Variants in SMCHD1 observed in about 807,000 individuals in gnomAD.
SMCHD1 encodes the protein structural maintenance of chromosomes flexible hinge domain containing 1.
SMCHD1 carries 78 observed loss-of-function variants against 254.7 expected under a neutral mutation model. The ratio of observed to expected loss-of-function variants is 0.31; its 90% CI spans 0.26 to 0.37. SMCHD1 has a LOEUF of 0.37. Ranked by LOEUF, SMCHD1 falls within the 10% of genes least tolerant of loss-of-function variation. The pLI, the probability that SMCHD1 is intolerant of heterozygous loss-of-function variation, is 1.00. For missense variants in SMCHD1, 1,840 were observed against 2,408.1 expected (o/e 0.76, Z 4.94); for synonymous variants, 766 against 794.9 (o/e 0.96, Z 0.61).
chr18:2,660,632 C>T (rs145532195), intron 1 of SMCHD1, among the ~76,000 whole-genome samples: 183 of 152,002 alleles, frequency 1.2e-3, no homozygotes, highest in African/African-American at 4.2e-3. Flanking sequence ...AGCCGTCATG[C>T]CCGGCTAATT....
intron 36 of SMCHD1, among the ~76,000 whole-genome samples, chr18:2,762,845 G>T (rs1258132682): frequency 6.6e-6 from 1 of 152,166 alleles, no homozygotes; most frequent in Non-Finnish European, 1.5e-5. Flanking sequence ...TCACGAATGA[G>T]TGTGAACTAT....
rs780907109 is a variant in SMCHD1, at chr18:2,718,112, C to T, written c.2261-46C>T. On this transcript the variant is annotated intron_variant, in intron 17 of 47. Coordinates refer to ENST00000320876, the MANE Select transcript of SMCHD1 (RefSeq NM_015295.3). This position sits in a 1 kb window ranked among gnomAD's most constrained non-coding sequence, Gnocchi z 4.6. ...GTGACATTGCGTATTTCATGTTTTA[C>T]GTTGAATTTCTCAAGACACTATTGT... 4.7e-5 allele frequency: 68 copies of T among 1,441,206 alleles called. No individual in the cohort carries two copies. The Middle Eastern group carries it at 8.1e-4, about 17-fold the overall frequency. 89.3% of individuals were successfully genotyped at this position (1,441,206 alleles called of 1,614,324 possible). A position where few individuals can be genotyped will look rare whatever the true frequency, so the allele number is the denominator to read the frequency against.
chr18:2,802,569 G>A lies in SMCHD1; in HGVS notation c.*17G>A. The A allele has an allele frequency of 1.3e-6, 2 of 1,550,204 alleles. No homozygotes were observed. The highest frequency in any genetic ancestry group is 8.7e-7 in the Non-Finnish European group (1 of 1,146,200). On this transcript the variant is annotated 3_prime_UTR_variant, in exon 48 of 48. Transcript: ENST00000320876. ...GATGTATGAGAGGTGACAGAGAGAA[G>A]AGGCCATTGGTCTCAGTAAGAATGC...
chr18:2,716,087 C>T (rs555003061), intron 17 of SMCHD1, among the ~76,000 whole-genome samples: 2 of 152,158 alleles, frequency 1.3e-5, no homozygotes, highest in South Asian at 4.1e-4. Context: ...GATGATGTGT[C>T]TATGATGTAT....
intron 22 of SMCHD1, chr18:2,726,766 G>T: frequency 4.5e-6 from 1 of 222,468 alleles, no homozygotes; most frequent in Non-Finnish European, 8.7e-6. Flanking sequence ...AATGTTTGGG[G>T]AACTGTTTCT....
chr18:2,798,403 T>C (rs1158298793), intron 47 of SMCHD1, among the ~76,000 whole-genome samples: 2 of 152,216 alleles, frequency 1.3e-5, no homozygotes, highest in Non-Finnish European at 2.9e-5. Context: ...GCAGTGGATT[T>C]AGACATGTAA....
At chr18:2,757,142 C>A (rs1013432657) in intron 34 of SMCHD1, among the ~76,000 whole-genome samples, 1 of 152,148 alleles carries the variant, frequency 6.6e-6, no homozygotes, top group Non-Finnish European at 1.5e-5. Context: ...CATTTCTAAG[C>A]ATAACTTTAA....
chr18:2,791,947 G>C (rs919363196), intron 45 of SMCHD1, among the ~76,000 whole-genome samples: 4 of 151,956 alleles, frequency 2.6e-5, no homozygotes, highest in African/African-American at 9.7e-5. Context: ...CCCTGAAGAG[G>C]AAACAGTAGT....
At chr18:2,678,531 G>A (rs2073828974) in intron 5 of SMCHD1, among the ~76,000 whole-genome samples, 2 of 151,986 alleles carry the variant, frequency 1.3e-5, no homozygotes, top group African/African-American at 4.8e-5. Context: ...TGGCCAGGTT[G>A]GTCTCGAACT....
intron 34 of SMCHD1, among the ~76,000 whole-genome samples, chr18:2,754,088 A>G (rs765382826): frequency 2.0e-5 from 3 of 152,176 alleles, no homozygotes; most frequent in Non-Finnish European, 2.9e-5. Flanking sequence ...CCTTTTGTTT[A>G]GACATCTTTG....
At position 2,729,364 on chromosome 18, in the gene SMCHD1, G is replaced by T; in HGVS notation, c.3003G>T (p.Gln1001His). 6.4e-7 allele frequency: 1 copy of T among 1,553,080 alleles called. No homozygotes were observed. Among genetic ancestry groups the T allele is most frequent in the African/African-American group, 1.4e-5 (1 of 73,276 alleles). ...TAACAGGATCTGCAATTCAAGTTCA[G>T]AATATTAAAAAAGACCAGACGCTTA... The part of the protein sequence containing the change: ...SILTGSAIQV[Q>H]NIKKDQTLKA... The change falls in exon 24 of 48, where the codon CAG becomes CAT. Residue 1001 changes from glutamine (Q) to histidine (H), a missense_variant. By Grantham distance (24) the Gln-to-His change is conservative. Transcript: ENST00000320876.
intron 3 of SMCHD1, among the ~76,000 whole-genome samples, chr18:2,672,735 T>C (rs191203503): frequency 5.3e-5 from 8 of 152,260 alleles, no homozygotes; most frequent in African/African-American, 1.9e-4. Flanking sequence ...AGTGAATCTA[T>C]AGCAGTTCTG....
Position 2,683,736 on chromosome 18 carries a change from C to A in SMCHD1, c.639-4658C>A, listed in dbSNP as rs550488482. Among the ~76,000 whole-genome samples the A allele has an allele frequency of 7.9e-5, 12 of 152,236 alleles. No individual in the cohort carries two copies. The East Asian group carries it at 2.3e-3, about 29-fold the overall frequency. On this transcript the variant is annotated intron_variant, in intron 5 of 47. Transcript: ENST00000320876. ...TCCAAGGATTGTTATGCCTTCTGTG[C>A]CTTCTTGGTTGACCAACCCTTTTAT...
rs150729432 is a variant in SMCHD1 at position 2,776,038 on chromosome 18, G to A, written c.5366+114G>A. ...GATACCTAAAACAGAGAATTGACTT[G>A]AATTATATACGTTATTTTTGTCTTC... On this transcript the variant is annotated intron_variant, in intron 42 of 47. Transcript: ENST00000320876. 38 of 912,264 alleles carry A rather than the reference G, an allele frequency of 4.2e-5. No individual in the cohort carries two copies. In the East Asian group the frequency reaches 1.1e-3, roughly 26 times the overall value. The allele number at this position is 912,264 out of a possible 1,614,324, so 56.5% of individuals were successfully genotyped here. A position where few individuals can be genotyped will look rare whatever the true frequency, so the allele number is the denominator to read the frequency against.
chr18:2,780,591 G>A (rs549499794), intron 44 of SMCHD1, among the ~76,000 whole-genome samples: 1 of 152,188 alleles, frequency 6.6e-6, no homozygotes, highest in East Asian at 1.9e-4. Context: ...GAAGACTCCT[G>A]TTCAATGAGA....
intron 37 of SMCHD1, among the ~76,000 whole-genome samples, chr18:2,765,032 T>C (rs555704806): frequency 9.2e-5 from 14 of 152,334 alleles, no homozygotes; most frequent in African/African-American, 2.9e-4. Context: ...CTTTTAAAAA[T>C]TCTAACCAAG....
chr18:2,695,440 G>A (rs2074266459), intron 8 of SMCHD1, among the ~76,000 whole-genome samples: 1 of 151,746 alleles, frequency 6.6e-6, no homozygotes, highest in South Asian at 2.1e-4. Context: ...CTCCCGAGTA[G>A]CTGGGATTAC....
chr18:2,729,142 GACTTTT>G, intron 23 of SMCHD1, 127 bp from the exon 24 acceptor site: 2 of 621,610 alleles, frequency 3.2e-6, no homozygotes, highest in Non-Finnish European at 4.9e-6. Context: ...GAGTTTTAGT[GACTTTT>G]ACTTAGAATT....
At chr18:2,702,536 T>G (rs1350694219) in intron 12 of SMCHD1, among the ~76,000 whole-genome samples, 1 of 152,128 alleles carries the variant, frequency 6.6e-6, no homozygotes, top group African/African-American at 2.4e-5. Flanking sequence ...ACTTTCTGGT[T>G]CCTAGTTACT....
Sources: gnomAD v4.1 joint callset for allele counts (sites outside exome capture counted in the v4.1 genomes callset) on GRCh38, gnomAD v4.1.1 for gene constraint, Gnocchi (gnomAD v3.1) non-coding constraint, MANE v1.5 for transcripts, NCBI Gene and HGNC (gene_info 2026-07-23, HGNC 2026-07-21) for gene names.